The following ZNF540 variants were observed in gnomAD, a reference collection of about 807,000 sequenced individuals.
ZNF540 encodes the protein zinc finger protein 540.
Under a neutral mutation model 11.8 loss-of-function variants are expected in ZNF540, and 3 were observed. The observed-to-expected ratio is 0.25, with a 90% CI of 0.12 to 0.65. The LOEUF (loss-of-function observed/expected upper bound fraction) is 0.65. Among genes scored for constraint, ZNF540 ranks in the 30% least tolerant of loss-of-function variants. ZNF540 has a pLI of 0.83. For missense variants in ZNF540, 709 were observed against 793.1 expected (o/e 0.89, Z 1.27); for synonymous variants, 247 against 259.0 (o/e 0.95, Z 0.45).
intron 1 of ZNF540, among the ~76,000 whole-genome samples, chr19:37,558,500 A>G (rs1009051025): frequency 1.3e-5 from 2 of 152,124 alleles, no homozygotes; most frequent in Non-Finnish European, 2.9e-5. Flanking sequence ...CATTCGCCTT[A>G]GACAAGTTTA....
At chr19:37,555,976 G>A (rs569769728) in intron 1 of ZNF540, 1 of 701,214 alleles carries the variant, frequency 1.4e-6, no homozygotes, top group South Asian at 1.5e-5. Context: ...TAAGTATCTC[G>A]ACAGCTAGTG....
rs562136088 is a variant in ZNF540 at position 37,602,951 on chromosome 19, AG to A, written c.232+1849del. ...CTTTTCTAATGGGAAATCTGTTAGG[AG>A]GGAACTAGATAAGAGGTTAGTAGCT... On this transcript the variant is annotated intron_variant, in intron 4 of 4. Transcript: ENST00000316433. Among the ~76,000 whole-genome samples the A allele has an allele frequency of 5.0e-4, 75 of 149,758 alleles. 2 individuals carry two copies. The South Asian group carries it at 0.012, about 23-fold the overall frequency.
intron 1 of ZNF540, chr19:37,563,019 A>G (rs1402892492): frequency 6.6e-6 from 1 of 152,130 alleles, no homozygotes; most frequent in East Asian, 1.9e-4. Flanking sequence ...CCAAATAAAA[A>G]TAATACAAAC....
intron 1 of ZNF540, chr19:37,563,633 T>G (rs1024580402): frequency 6.6e-6 from 1 of 151,474 alleles, no homozygotes; most frequent in African/African-American, 2.4e-5. Flanking sequence ...TATACATATG[T>G]GGAATATATA....
intron 1 of ZNF540, among the ~76,000 whole-genome samples, chr19:37,572,471 C>A (rs755054641): frequency 6.6e-6 from 1 of 152,186 alleles, no homozygotes; most frequent in Admixed American, 6.5e-5. Context: ...TTGCCATTAT[C>A]CAAATAGGAT....
chr19:37,565,401 C>T lies in ZNF540; in HGVS notation c.-73+13736C>T, dbSNP rs1242539291. The T allele has an allele frequency of 2.5e-6, 4 of 1,613,688 alleles. No individual in the cohort carries two copies. In the East Asian group the frequency reaches 8.9e-5, roughly 36 times the overall value. The stretch of plus-strand genomic sequence containing the variant: ...TTCAGTTGGGAGGCACATAAAAAGG[C>T]TTTCCCACATTCTTTACATATGTAA... On this transcript the variant is annotated intron_variant, in intron 1 of 4. Transcript: ENST00000592533.
intron 1 of ZNF540, chr19:37,575,447 TATTG>T (rs2043210818): frequency 1.3e-5 from 2 of 152,336 alleles, no homozygotes; most frequent in Admixed American, 6.5e-5. Flanking sequence ...GACATGAAAT[TATTG>T]ATTATTCACA....
At chr19:37,564,660 G>A in intron 1 of ZNF540, 1 of 1,609,910 alleles carries the variant, frequency 6.2e-7, no homozygotes. Context: ...TTACCACACT[G>A]GACACATGTA....
At chr19:37,565,781 A>C (rs750836607) in intron 1 of ZNF540, 10 of 1,613,592 alleles carry the variant, frequency 6.2e-6, no homozygotes, top group Non-Finnish European at 2.5e-6. Context: ...ATTAGTATGA[A>C]TTTTCTGATG....
chr19:37,572,606 G>A (rs968187946), intron 1 of ZNF540, among the ~76,000 whole-genome samples: 10 of 152,284 alleles, frequency 6.6e-5, no homozygotes, highest in South Asian at 2.1e-4. Context: ...TGTATACGCC[G>A]CAGATAAGGG....
At chr19:37,604,603 G>A (rs1568367540) in intron 4 of ZNF540, among the ~76,000 whole-genome samples, 2 of 151,808 alleles carry the variant, frequency 1.3e-5, no homozygotes, top group Non-Finnish European at 2.9e-5. Context: ...CACCGCGCCT[G>A]GCCAGCCTTA....
chr19:37,603,383 A>T (rs912105679), intron 4 of ZNF540, among the ~76,000 whole-genome samples: 1 of 152,194 alleles, frequency 6.6e-6, no homozygotes, highest in African/African-American at 2.4e-5. Flanking sequence ...AAGGATAATT[A>T]TGGAAATTGG....
intron 1 of ZNF540, among the ~76,000 whole-genome samples, chr19:37,577,564 A>G (rs1293137661): frequency 6.6e-6 from 1 of 152,210 alleles, no homozygotes; most frequent in African/African-American, 2.4e-5. Context: ...AATTAACAAC[A>G]ATTTTACAAA....
intron 1 of ZNF540, among the ~76,000 whole-genome samples, chr19:37,559,175 A>C (rs571683406): frequency 3.5e-4 from 53 of 152,192 alleles, no homozygotes; most frequent in Non-Finnish European, 7.3e-4. Flanking sequence ...ACAGTCATAC[A>C]AACCAATTAT....
At chr19:37,561,048 CAAAAAAAAA>C (rs199892724) in intron 1 of ZNF540, among the ~76,000 whole-genome samples, 7 of 73,784 alleles carry the variant, frequency 9.5e-5, no homozygotes, top group Non-Finnish European at 1.2e-4. Flanking sequence ...CCTGTCTCTA[CAAAAAAAAA>C]AAAAAAAAAA....
At chr19:37,586,544 G>T in intron 1 of ZNF540, 1 of 1,049,910 alleles carries the variant, frequency 9.5e-7, no homozygotes, top group Non-Finnish European at 1.5e-6. Context: ...TCGCTAGAAT[G>T]GGAGACGTTT....
chr19:37,583,687 C>T, intron 1 of ZNF540: 1 of 258,426 alleles, frequency 3.9e-6, no homozygotes, highest in Non-Finnish European at 7.4e-6. Flanking sequence ...TTAGGGACTG[C>T]ACATACAGCT....
At chr19:37,592,562 C>T (rs561937038), upstream of ZNF540, among the ~76,000 whole-genome samples, 3 of 152,100 alleles carry the variant, frequency 2.0e-5, no homozygotes, top group African/African-American at 7.2e-5. Flanking sequence ...AGAATGCATG[C>T]TTTAGGTGAA....
Position 37,598,414 on chromosome 19 carries a change from C to A in ZNF540, c.-34C>A. The A allele has an allele frequency of 1.2e-6, 2 of 1,612,808 alleles. No homozygotes were observed. The highest frequency in any genetic ancestry group is 1.1e-5 in the South Asian group (1 of 90,648). ...TTGCTTCTCCAGCAGAATAATCCTG[C>A]GGAAGACTGAGCAGTTCTTGTGAGT... On this transcript the variant is annotated 5_prime_UTR_variant, in exon 2 of 5. Coordinates refer to ENST00000316433, the MANE Select transcript of ZNF540 (RefSeq NM_001172225.3).
Sources: allele counts gnomAD v4.1 joint callset (sites outside exome capture counted in the v4.1 genomes callset), GRCh38; gene constraint gnomAD v4.1.1; transcripts MANE v1.5; gene names NCBI Gene and HGNC (gene_info 2026-07-23, HGNC 2026-07-21).